SLC13A2: variants seen among roughly 807,000 people sequenced by gnomAD.
The protein encoded by SLC13A2 is solute carrier family 13 member 2.
In SLC13A2, 40 loss-of-function variants were observed where a neutral mutation model predicts 58.5. That is an observed-to-expected ratio of 0.68 (90% CI 0.53 to 0.89). The LOEUF is 0.89. SLC13A2 is among the 40% of genes least tolerant of loss of function. The pLI is 0.00. For missense variants in SLC13A2, 694 were observed against 772.6 expected, an observed-to-expected ratio of 0.90 and a Z score of 1.21; for synonymous variants, 341 against 331.6, an observed-to-expected ratio of 1.03 and a Z score of -0.31.
Position 28,489,343 on chromosome 17 carries a change from G to A in SLC13A2, c.231+1G>A. 2 of 1,584,946 alleles carry A rather than the reference G, an allele frequency of 1.3e-6. No individual in the cohort carries two copies. The highest frequency in any genetic ancestry group is 1.7e-6 in the Non-Finnish European group (2 of 1,169,368). On this transcript the variant is annotated splice_donor_variant, in intron 2 of 11. Transcript: ENST00000314669. LOFTEE classifies it high-confidence loss of function. ...GATGGGCATCGTGGATGCCTCTGAG[G>A]TGAGCCCCATCCATAGGAGAAAGCG...
At chr17:28,477,378 T>A (rs569461056) in intron 1 of SLC13A2, among the ~76,000 whole-genome samples, 11 of 151,466 alleles carry the variant, frequency 7.3e-5, no homozygotes, top group Admixed American at 2.6e-4. Flanking sequence ...GTATTTTTAG[T>A]AGAGACGGGG....
chr17:28,483,661 A>G (rs2068827116), intron 1 of SLC13A2, among the ~76,000 whole-genome samples: 2 of 152,154 alleles, frequency 1.3e-5, no homozygotes, highest in South Asian at 2.1e-4. Context: ...TTTTAAAAAA[A>G]CCTTATTCCT....
In SLC13A2 at chr17:28,496,381, T is replaced by C; in HGVS notation, c.1471-69T>C. 1.3e-6 allele frequency: 2 copies of C among 1,523,196 alleles called. No individual in the cohort carries two copies. Among genetic ancestry groups the C allele is most frequent in the Non-Finnish European group, 1.8e-6 (2 of 1,131,798 alleles). The allele number at this position is 1,523,196 out of a possible 1,614,324, so 94.4% of individuals were successfully genotyped here. A position where few individuals can be genotyped will look rare whatever the true frequency, so the allele number is the denominator to read the frequency against. ...GTTGTTCCCCAGAGAAGCAGGAGAA[T>C]TGGGGGCCATGCCCCTCCCTCTGGC... On this transcript the variant is annotated intron_variant, in intron 10 of 11. Transcript: ENST00000314669. This position sits in a 1 kb window ranked among gnomAD's most constrained non-coding sequence, Gnocchi z 4.2.
At chr17:28,484,657 G>A (rs1178452717) in intron 1 of SLC13A2, among the ~76,000 whole-genome samples, 1 of 152,184 alleles carries the variant, frequency 6.6e-6, no homozygotes, top group Non-Finnish European at 1.5e-5. Context: ...CAAGGAGAAA[G>A]GATTTCAGGG....
In SLC13A2 at chr17:28,494,040, C is replaced by A; in HGVS notation, c.1121C>A (p.Ala374Asp). The A allele has an allele frequency of 4.3e-6, 7 of 1,614,106 alleles. No individual in the cohort carries two copies. Among genetic ancestry groups the A allele is most frequent in the African/African-American group, 1.3e-5 (1 of 75,030 alleles). ...AGCATGGTGTCCGATGGGACAGTGG[C>A]CATCTTCATCGGCATAATTATGTTC... The part of the protein sequence containing the change: ...GESMVSDGTV[A>D]IFIGIIMFII... The change falls in exon 8 of 12, where the codon GCC becomes GAC. Residue 374 changes from alanine (A) to aspartate (D), a missense_variant. Transcript: ENST00000314669. The surrounding 1 kb of genome is among the most constrained non-coding windows in gnomAD (Gnocchi z 4.0).
intron 1 of SLC13A2, among the ~76,000 whole-genome samples, chr17:28,486,766 C>T (rs975410043): frequency 6.6e-6 from 1 of 150,744 alleles, no homozygotes; most frequent in East Asian, 1.9e-4. Context: ...ATCAAACACA[C>T]TGGAACACAT....
intron 9 of SLC13A2, 127 bp from the exon 10 acceptor site, chr17:28,495,528 T>C (rs782613265): frequency 2.1e-6 from 2 of 933,974 alleles, no homozygotes; most frequent in Admixed American, 2.2e-5. Flanking sequence ...ATCATCCCTT[T>C]AGAGCTGTCT....
Position 28,478,251 on chromosome 17 carries a change from T to C in SLC13A2, c.102+4437T>C, listed in dbSNP as rs138035114. On this transcript the variant is annotated intron_variant, in intron 1 of 11. Transcript: ENST00000314669. ...TGGGAGGCCGGTGGTGCCCCCGCTG[T>C]GACCCACCTCTCAGGCCATCCTTTC... Among the ~76,000 whole-genome samples the C allele has an allele frequency of 2.4e-3, 368 of 152,336 alleles. 2 individuals are homozygous for C. The highest frequency in any genetic ancestry group is 8.3e-3 in the African/African-American group (345 of 41,576).
Position 28,491,761 on chromosome 17 carries a change from T to A in SLC13A2, c.787T>A (p.Phe263Ile), listed in dbSNP as rs1010601561. Residue 263 changes from phenylalanine (F) to isoleucine (I), a missense_variant, in exon 6 of 12, where the codon TTC (phenylalanine) becomes ATC (isoleucine). Phe to Ile is a conservative substitution (Grantham distance 21). Transcript: ENST00000314669. ...LFPQNGNVVN[F>I]ASWFSFAFPT... ...CCCCCAAAACGGCAACGTGGTGAAC[T>A]TCGCCTCCTGGTTCAGCTTCGCCTT... 2 of 1,614,180 alleles carry A rather than the reference T, an allele frequency of 1.2e-6. No individual in the cohort carries two copies. The highest frequency in any genetic ancestry group is 1.7e-5 in the Admixed American group (1 of 60,028).
At chr17:28,497,004 TG>T in intron 11 of SLC13A2, 94 bp from the exon 12 acceptor site, 2 of 1,321,430 alleles carry the variant, frequency 1.5e-6, no homozygotes, top group East Asian at 2.3e-5. Context: ...AGAATTTTGC[TG>T]GTAGGAGGGC....
At position 28,494,047 on chromosome 17, in the gene SLC13A2, C is replaced by A; in HGVS notation, c.1128C>A (p.Phe376Leu). The change falls in exon 8 of 12, where the codon TTC becomes TTA. Residue 376 changes from phenylalanine to leucine, a missense_variant. Coordinates refer to ENST00000314669, the MANE Select transcript of SLC13A2 (RefSeq NM_003984.4). The surrounding 1 kb of genome is among the most constrained non-coding windows in gnomAD (Gnocchi z 4.0). ...SMVSDGTVAIFIGIIMFIIPS... is the reference protein window; with the variant it reads ...SMVSDGTVAILIGIIMFIIPS... ...TGTCCGATGGGACAGTGGCCATCTT[C>A]ATCGGCATAATTATGTTCATCATAC... 1 of 1,614,128 alleles carries A rather than the reference C, an allele frequency of 6.2e-7. No individual in the cohort carries two copies. Among genetic ancestry groups the A allele is most frequent in the Non-Finnish European group, 8.5e-7 (1 of 1,180,022 alleles).
At position 28,497,118 on chromosome 17, in the gene SLC13A2, T is replaced by C; in HGVS notation, c.1628T>C (p.Leu543Pro). 1 of 1,614,060 alleles carries C rather than the reference T, an allele frequency of 6.2e-7. No homozygotes were observed. Among genetic ancestry groups the C allele is most frequent in the South Asian group, 1.1e-5 (1 of 91,076 alleles). The change falls in exon 12 of 12, where the codon CTC becomes CCC. Residue 543 changes from leucine to proline, a missense_variant. By Grantham distance (98) the Leu-to-Pro change is moderately conservative (BLOSUM62 -3). Coordinates refer to ENST00000314669, the MANE Select transcript of SLC13A2 (RefSeq NM_003984.4). ...CACCAGGCCCGGGCAGGATTCCTCC[T>C]CAACATCATTGGAGTCCTGATCATC... ...VLDMARAGFL[L>P]NIIGVLIIAL...
At position 28,490,608 on chromosome 17, in the gene SLC13A2, A is replaced by T; in HGVS notation, c.368+18A>T. 1 of 1,591,792 alleles carries T rather than the reference A, an allele frequency of 6.3e-7. No homozygotes were observed. Among genetic ancestry groups the T allele is most frequent in the East Asian group, 2.2e-5 (1 of 44,516 alleles). ...CCTGCCCCGTGAGTTCCTCCTGCAA[A>T]CCAGCACGGGAGAACCTGACGAGGA... On this transcript the variant is annotated intron_variant, in intron 3 of 11. Coordinates refer to ENST00000314669, the MANE Select transcript of SLC13A2 (RefSeq NM_003984.4).
intron 1 of SLC13A2, among the ~76,000 whole-genome samples, chr17:28,488,861 C>T (rs1330356721): frequency 1.3e-5 from 2 of 152,168 alleles, no homozygotes; most frequent in South Asian, 2.1e-4. Context: ...TCCACATTGC[C>T]CAGGTCCTGC....
chr17:28,491,893 C>T (rs782338452), intron 6 of SLC13A2, 41 bp downstream of exon 6: 4 of 1,601,060 alleles, frequency 2.5e-6, no homozygotes, highest in South Asian at 2.2e-5. Flanking sequence ...GGTCCCTGCC[C>T]TTAGCCCTGG....
intron 1 of SLC13A2, among the ~76,000 whole-genome samples, chr17:28,485,012 G>C (rs1310422563): frequency 2.6e-5 from 4 of 152,134 alleles, no homozygotes; most frequent in Admixed American, 1.3e-4. Flanking sequence ...AGAGAGACAG[G>C]CTAGATCATA....
intron 1 of SLC13A2, among the ~76,000 whole-genome samples, chr17:28,485,045 C>G (rs1417749587): frequency 6.6e-6 from 1 of 152,168 alleles, no homozygotes; most frequent in Non-Finnish European, 1.5e-5. Context: ...GCTACGCCCC[C>G]GTCCTCAGGA....
In SLC13A2 at chr17:28,494,216, G is replaced by A; in HGVS notation, c.1186+111G>A. ...GAGTAGGCAAAGCCCAGAAAGGCTG[G>A]AGCGACTTGCCAAGGGCACAGGGAC... On this transcript the variant is annotated intron_variant, in intron 8 of 11. Coordinates refer to ENST00000314669, the MANE Select transcript of SLC13A2 (RefSeq NM_003984.4). This position sits in a 1 kb window ranked among gnomAD's most constrained non-coding sequence, Gnocchi z 4.0. 2 of 1,478,304 alleles carry A rather than the reference G, an allele frequency of 1.4e-6. No individual in the cohort carries two copies. Among genetic ancestry groups the A allele is most frequent in the Admixed American group, 1.8e-5 (1 of 55,810 alleles). 91.6% of individuals were successfully genotyped at this position (1,478,304 alleles called of 1,614,324 possible).
chr17:28,476,795 G>A (rs1278088935), intron 1 of SLC13A2, among the ~76,000 whole-genome samples: 4 of 152,080 alleles, frequency 2.6e-5, no homozygotes, highest in Non-Finnish European at 4.4e-5. Flanking sequence ...TGTCGGCTCC[G>A]TGAGGACAGG....
Sources: allele counts gnomAD v4.1 joint callset (sites outside exome capture counted in the v4.1 genomes callset), GRCh38; gene constraint gnomAD v4.1.1; non-coding constraint Gnocchi (gnomAD v3.1); transcripts MANE v1.5; gene names NCBI Gene and HGNC (gene_info 2026-07-23, HGNC 2026-07-21).